The following SRC variants were observed in gnomAD, a reference collection of about 807,000 sequenced individuals.
SRC encodes the protein proto-oncogene tyrosine-protein kinase Src.
In SRC, 13 loss-of-function variants were observed where a neutral mutation model predicts 62.9. That is an observed-to-expected ratio of 0.21 (90% confidence interval 0.13 to 0.33). The LOEUF (loss-of-function observed/expected upper bound fraction) is 0.33, where lower values mean the gene tolerates loss of function less well. Among genes scored for constraint, SRC ranks in the 10% least tolerant of loss-of-function variants. The pLI, the probability that SRC is intolerant of heterozygous loss-of-function variation, is 1.00. For missense variants in SRC, 457 were observed against 737.3 expected, an observed-to-expected ratio of 0.62 and a Z score of 4.40; for synonymous variants, 302 against 317.5, an observed-to-expected ratio of 0.95 and a Z score of 0.52.
rs760138531 is a variant in SRC at position 37,393,921 on chromosome 20, C to G, written c.377C>G (p.Ser126Trp). ...GAGGGAGACTGGTGGCTGGCCCACT[C>G]GCTCAGCACAGGACAGACAGGCTAC... The part of the protein sequence containing the change: ...NTEGDWWLAH[S>W]LSTGQTGYIP... Residue 126 changes from serine (S) to tryptophan (W), a missense_variant, in exon 6 of 14, where the codon TCG (serine) becomes TGG (tryptophan). Ser to Trp is a radical substitution (Grantham distance 177). Coordinates refer to ENST00000373578, the MANE Select transcript of SRC (RefSeq NM_198291.3). 1.2e-6 allele frequency: 2 copies of G among 1,614,014 alleles called. No homozygotes were observed. Among genetic ancestry groups the G allele is most frequent in the East Asian group, 2.2e-5 (1 of 44,886 alleles).
rs2069800728 is a variant in SRC, at chr20:37,351,536, C to T, written c.-247+5281C>T. On this transcript the variant is annotated intron_variant, in intron 1 of 13. Coordinates refer to ENST00000373578, the MANE Select transcript of SRC (RefSeq NM_198291.3). This position sits in a 1 kb window ranked among gnomAD's most constrained non-coding sequence, Gnocchi z 4.4. ...CTATGAGGCTGGCACAGGCAGAATC[C>T]AGTTGCTGGGAGTGGAAATTGAGCT... Among the ~76,000 whole-genome samples the T allele has an allele frequency of 6.6e-6, 1 of 152,100 alleles. No individual in the cohort carries two copies. The highest frequency in any genetic ancestry group is 2.4e-5 in the African/African-American group (1 of 41,418).
chr20:37,362,616 G>C (rs1233651642), intron 1 of SRC, among the ~76,000 whole-genome samples: 1 of 152,064 alleles, frequency 6.6e-6, no homozygotes, highest in Non-Finnish European at 1.5e-5. Context: ...CTGCCAAGGA[G>C]AAGGGCCCAC....
At chr20:37,373,023 T>C (rs1158537582) in intron 2 of SRC, among the ~76,000 whole-genome samples, 1 of 151,202 alleles carries the variant, frequency 6.6e-6, no homozygotes. Context: ...TGCATATATA[T>C]ACACATATAT....
In SRC at chr20:37,384,261, G is replaced by C. The variant is rs55962640; in HGVS notation, c.108G>C (p.Gln36His). The C allele has an allele frequency of 6.4e-7, 1 of 1,559,986 alleles. No homozygotes were observed. The change falls in exon 4 of 14, where the codon CAG (glutamine) becomes CAC (histidine). Residue 36 changes from glutamine to histidine, a missense_variant. By Grantham distance (24) the Gln-to-His change is conservative. Around this residue, in one of 4 missense-constraint regions of SRC, gnomAD observed 132 missense variants for 135.4 expected, o/e 0.98. Coordinates refer to ENST00000373578, the MANE Select transcript of SRC (RefSeq NM_198291.3). The surrounding 1 kb of genome is among the most constrained non-coding windows in gnomAD (Gnocchi z 6.7). ...GCGGGGGCGCTTTCCCCGCCTCGCA[G>C]ACCCCCAGCAAGCCAGCCTCGGCCG... ...GAGGGAFPAS[Q>H]TPSKPASADG...
At chr20:37,355,935 G>A (rs553112928) in intron 1 of SRC, among the ~76,000 whole-genome samples, 4 of 152,228 alleles carry the variant, frequency 2.6e-5, no homozygotes, top group Non-Finnish European at 5.9e-5. Flanking sequence ...AGGGCACTCA[G>A]GCTTGGGCCT....
chr20:37,361,397 C>G (rs1001487945), intron 1 of SRC, among the ~76,000 whole-genome samples: 1 of 152,232 alleles, frequency 6.6e-6, no homozygotes, highest in Non-Finnish European at 1.5e-5. Context: ...CTTCCTGTGA[C>G]CACACAGCCA....
At chr20:37,364,503 G>A (rs1384166920) in intron 1 of SRC, among the ~76,000 whole-genome samples, 2 of 152,124 alleles carry the variant, frequency 1.3e-5, no homozygotes, top group African/African-American at 4.8e-5. Context: ...ATGAGGGCGT[G>A]GCAGGAGGAC....
In SRC at chr20:37,400,096, C is replaced by A; in HGVS notation, c.860-19C>A. 6.3e-7 allele frequency: 1 copy of A among 1,581,224 alleles called. No individual in the cohort carries two copies. On this transcript the variant is annotated intron_variant, in intron 9 of 13. Transcript: ENST00000373578. ...AGTTGGGGGGCTCCACTGAGTCAGC[C>A]TGCATCCCTCCTCAACAGGGACCTG...
chr20:37,394,724 A>AC (rs1878073553), intron 7 of SRC, among the ~76,000 whole-genome samples: 1 of 151,958 alleles, frequency 6.6e-6, no homozygotes, highest in African/African-American at 2.4e-5. Context: ...GAGAATGAAG[A>AC]CCATCCCCTT....
Position 37,393,964 on chromosome 20 carries a change from G to A in SRC, c.420G>A (p.Val140=). The change falls in exon 6 of 14, where the codon GTG becomes GTA. Residue 140 remains valine (V), a synonymous_variant. Transcript: ENST00000373578. ...GQTGYIPSNY[V]APSDSIQAEE... is the part of the protein sequence containing the mutation. ...CAGGCTACATCCCCAGCAACTACGT[G>A]GCGCCCTCCGACTCCATCCAGGCTG... 3.1e-6 allele frequency: 5 copies of A among 1,614,110 alleles called. No homozygotes were observed. The highest frequency in any genetic ancestry group is 4.2e-6 in the Non-Finnish European group (5 of 1,180,034).
rs867805553 is a variant in SRC at position 37,402,489 on chromosome 20, C to T, written c.1171C>T (p.Arg391Cys). 6.2e-7 allele frequency: 1 copy of T among 1,614,042 alleles called. No individual in the cohort carries two copies. The highest frequency in any genetic ancestry group is 8.5e-7 in the Non-Finnish European group (1 of 1,180,018). ...GATGAACTACGTCCACCGGGACCTT[C>T]GTGCAGCCAACATCCTGGTGGGAGA... ...ERMNYVHRDLRAANILVGENL... is the reference protein window; with the variant it reads ...ERMNYVHRDLCAANILVGENL... Residue 391 changes from arginine (R) to cysteine (C), a missense_variant, in exon 12 of 14, where the codon CGT becomes TGT. Physicochemically the swap from Arg to Cys is radical, Grantham distance 180. Coordinates refer to ENST00000373578, the MANE Select transcript of SRC (RefSeq NM_198291.3). This position sits in a 1 kb window ranked among gnomAD's most constrained non-coding sequence, Gnocchi z 6.2.
intron 1 of SRC, among the ~76,000 whole-genome samples, chr20:37,348,917 T>G (rs749441872): frequency 6.6e-6 from 1 of 152,170 alleles, no homozygotes; most frequent in Non-Finnish European, 1.5e-5. Context: ...CTGAGGTATG[T>G]GCCAAGACGT....
intron 2 of SRC, among the ~76,000 whole-genome samples, chr20:37,369,807 CTTTTTT>C (rs1033672101): frequency 6.7e-6 from 1 of 150,126 alleles, no homozygotes; most frequent in Non-Finnish European, 1.5e-5. Context: ...TTTTCTTTTT[CTTTTTT>C]TTTAAGATGG....
intron 2 of SRC, among the ~76,000 whole-genome samples, chr20:37,370,703 A>G (rs1368644045): frequency 3.3e-5 from 5 of 152,312 alleles, no homozygotes; most frequent in Admixed American, 1.3e-4. Context: ...CATGTAATAT[A>G]TATATTCATT....
chr20:37,351,359 C>T lies in SRC; in HGVS notation c.-247+5104C>T, dbSNP rs758500045. Among the ~76,000 whole-genome samples, 6 of 152,034 alleles carry T rather than the reference C, an allele frequency of 3.9e-5. No individual in the cohort carries two copies. The highest frequency in any genetic ancestry group is 7.4e-5 in the Non-Finnish European group (5 of 67,926). On this transcript the variant is annotated intron_variant, in intron 1 of 13. Transcript: ENST00000373578. The surrounding 1 kb of genome is among the most constrained non-coding windows in gnomAD (Gnocchi z 4.4). Reference sequence around the variant, plus strand: ...CCACTGAGGCTCTGTGATGGTGATCCTAGCTGGGGAGTGCTCCAGGGGCAG... The same window carrying T: ...CCACTGAGGCTCTGTGATGGTGATCTTAGCTGGGGAGTGCTCCAGGGGCAG...
At position 37,357,018 on chromosome 20, in the gene SRC, C is replaced by T. The variant is rs534291021; in HGVS notation, c.-246-8186C>T. 5.3e-5 allele frequency among the ~76,000 whole-genome samples: 8 copies of T among 152,294 alleles called. No homozygotes were observed. In the East Asian group the frequency reaches 1.5e-3, roughly 29 times the overall value. ...TGAAGAGCTGTGCCAGCACTCTGCC[C>T]GCCTCGTGGGTCTGTGTCTAGAGCT... On this transcript the variant is annotated intron_variant, in intron 1 of 13. Transcript: ENST00000373578.
chr20:37,374,963 CT>C (rs1317602935), intron 2 of SRC, among the ~76,000 whole-genome samples: 1 of 151,644 alleles, frequency 6.6e-6, no homozygotes, highest in Non-Finnish European at 1.5e-5. Context: ...CAGAGTCTCA[CT>C]TTGTCACCCA....
intron 1 of SRC, among the ~76,000 whole-genome samples, chr20:37,355,612 G>A (rs1255360158): frequency 6.6e-6 from 1 of 152,184 alleles, no homozygotes; most frequent in Non-Finnish European, 1.5e-5. Flanking sequence ...TTCTGGGGGA[G>A]CCAGAGAGAC....
At position 37,400,338 on chromosome 20, in the gene SRC, C is replaced by G. The variant is rs960676290; in HGVS notation, c.1039+44C>G. The G allele has an allele frequency of 1.9e-6, 3 of 1,544,752 alleles. No individual in the cohort carries two copies. In the African/African-American group the frequency reaches 4.1e-5, roughly 21 times the overall value. ...GGGCAGGGGGCAGGGGCACTCCGGA[C>G]AGGGCAGGGAGCATGAGCCTCATTT... On this transcript the variant is annotated intron_variant, in intron 10 of 13. Transcript: ENST00000373578.
Sources: allele counts gnomAD v4.1 joint callset (sites outside exome capture counted in the v4.1 genomes callset), GRCh38; gene constraint gnomAD v4.1.1; regional missense constraint gnomAD v4.1.1; non-coding constraint Gnocchi (gnomAD v3.1); transcripts MANE v1.5; gene names NCBI Gene and HGNC (gene_info 2026-07-23, HGNC 2026-07-21).